ZNF821: variants seen among roughly 807,000 people sequenced by gnomAD.
ZNF821 encodes the protein zinc finger protein 821.
ZNF821 carries 16 observed loss-of-function variants against 44.3 expected under a neutral mutation model. That is an observed-to-expected ratio of 0.36 (90% confidence interval 0.24 to 0.55). The LOEUF is 0.55. ZNF821 is among the 20% of genes least tolerant of loss of function. The pLI, the probability that ZNF821 is intolerant of heterozygous loss-of-function variation, is 0.86. For missense variants in ZNF821, 436 were observed against 547.6 expected, an observed-to-expected ratio of 0.80 and a Z score of 2.03; for synonymous variants, 204 against 197.6, an observed-to-expected ratio of 1.03 and a Z score of -0.27.
intron 4 of ZNF821, among the ~76,000 whole-genome samples, chr16:71,865,610 T>TTTCAATG (rs1249047180): frequency 1.3e-5 from 2 of 152,216 alleles, no homozygotes; most frequent in Non-Finnish European, 2.9e-5. Context: ...TGTCACTTTA[T>TTTCAATG]AGGGAAAGGG....
chr16:71,895,236 CGAGAATCA>C (rs2036937509), exon 1 of ZNF821: 1 of 166,090 alleles, frequency 6.0e-6, no homozygotes, highest in Non-Finnish European at 1.3e-5. Flanking sequence ...GCGCAGAGTC[CGAGAATCA>C]ACAGCTGTGG....
chr16:71,892,071 G>A (rs1597222013), intron 1 of ZNF821, among the ~76,000 whole-genome samples: 1 of 135,170 alleles, frequency 7.4e-6, no homozygotes, highest in South Asian at 2.6e-4. Flanking sequence ...CTTGGTACTT[G>A]TAAGGCTGCG....
At chr16:71,878,422 T>G (rs1475122167) in intron 3 of ZNF821, among the ~76,000 whole-genome samples, 3 of 151,954 alleles carry the variant, frequency 2.0e-5, no homozygotes, top group Non-Finnish European at 4.4e-5. Context: ...CGGCCACTAT[T>G]TGTCTTTTTA....
intron 3 of ZNF821, among the ~76,000 whole-genome samples, chr16:71,879,651 A>G (rs774890758): frequency 6.6e-6 from 1 of 152,184 alleles, no homozygotes; most frequent in Non-Finnish European, 1.5e-5. Flanking sequence ...TATTAAAGAT[A>G]TATCAAGTGT....
rs377621785 is a variant in ZNF821, at chr16:71,878,399, A to G, written c.40+1508T>C. Among the ~76,000 whole-genome samples, 25 of 151,738 alleles carry G rather than the reference A, an allele frequency of 1.6e-4. 1 individual carries two copies. Among genetic ancestry groups the G allele is most frequent in the Admixed American group, 9.9e-4 (15 of 15,222 alleles). On this transcript the variant is annotated intron_variant, in intron 3 of 7. Transcript: ENST00000425432. ...CCCAAAGTGCTGGGATTACAGGTGC[A>G]AGCCACCGCGCCCGGCCACTATTTG...
chr16:71,874,711 C>T (rs1446376475), intron 3 of ZNF821, among the ~76,000 whole-genome samples: 1 of 152,164 alleles, frequency 6.6e-6, no homozygotes, highest in African/African-American at 2.4e-5. Flanking sequence ...GCCTCGGCCT[C>T]CAAAAGTGCT....
chr16:71,887,259 C>CTT (rs60449301), upstream of ZNF821, among the ~76,000 whole-genome samples: 612 of 124,818 alleles, frequency 4.9e-3, 12 homozygotes, highest in South Asian at 0.019. Flanking sequence ...TATATTCAAC[C>CTT]TTTTTTTTTT....
chr16:71,874,133 A>AT (rs980077201), intron 3 of ZNF821, among the ~76,000 whole-genome samples: 11 of 149,292 alleles, frequency 7.4e-5, no homozygotes, highest in Middle Eastern at 3.5e-3. Context: ...TAATTTTTGT[A>AT]TTTTTTTTAG....
intron 6 of ZNF821, 50 bp from the exon 7 acceptor site, chr16:71,861,992 T>A (rs1401601811): frequency 6.3e-7 from 1 of 1,592,066 alleles, no homozygotes; most frequent in Admixed American, 1.7e-5. Context: ...TCCAGGACAA[T>A]CTGCACCCAC....
chr16:71,871,989 G>A (rs12921459), intron 3 of ZNF821, among the ~76,000 whole-genome samples: 29,897 of 151,940 alleles, frequency 0.2, 3,678 homozygotes, highest in Non-Finnish European at 0.28. Flanking sequence ...GCACCACCAC[G>A]CCTGGCTAAT....
At chr16:71,862,474 C>T (rs1489502140) in intron 6 of ZNF821, among the ~76,000 whole-genome samples, 2 of 152,048 alleles carry the variant, frequency 1.3e-5, no homozygotes, top group Non-Finnish European at 2.9e-5. Context: ...AATTCTGTCT[C>T]AAAAACAAAA....
chr16:71,882,351 A>G (rs1285676398), intron 2 of ZNF821: 1 of 149,878 alleles, frequency 6.7e-6, no homozygotes, highest in African/African-American at 2.4e-5. Context: ...GGCTAAATAT[A>G]TATATACTCT....
At chr16:71,883,035 TTCTG>T (rs1400374514) in intron 2 of ZNF821, 172 bp downstream of exon 2, 1 of 445,884 alleles carries the variant, frequency 2.2e-6, no homozygotes, top group Admixed American at 2.5e-5. Context: ...AGGAAAGCAG[TTCTG>T]TCTGTCTTCA....
At chr16:71,873,777 C>T (rs2035488384) in intron 3 of ZNF821, among the ~76,000 whole-genome samples, 1 of 151,962 alleles carries the variant, frequency 6.6e-6, no homozygotes, top group Admixed American at 6.6e-5. Context: ...CCTCAACCTC[C>T]TAAAGTATTG....
intron 3 of ZNF821, among the ~76,000 whole-genome samples, chr16:71,875,829 C>T (rs2035754068): frequency 6.6e-6 from 1 of 152,182 alleles, no homozygotes; most frequent in South Asian, 2.1e-4. Context: ...AAACTCCTGA[C>T]CTCAGGTGAT....
chr16:71,877,130 T>C (rs1479036638), intron 3 of ZNF821, among the ~76,000 whole-genome samples: 1 of 152,258 alleles, frequency 6.6e-6, no homozygotes, highest in Non-Finnish European at 1.5e-5. Context: ...AGGTTTGCTA[T>C]TGTAATCTCA....
Position 71,860,702 on chromosome 16 carries a change from G to T in ZNF821, c.585-30C>A, listed in dbSNP as rs773798197. The T allele has an allele frequency of 1.3e-6, 2 of 1,598,764 alleles. No individual in the cohort carries two copies. Among genetic ancestry groups the T allele is most frequent in the Admixed American group, 1.7e-5 (1 of 59,566 alleles). ...AAAGGAAACATTTTGGATGGTTAGT[G>T]TTTCCTTCTAGCAAGAGTCGGGACT... On this transcript the variant is annotated intron_variant, in intron 7 of 7. Transcript: ENST00000425432. The surrounding 1 kb of genome is among the most constrained non-coding windows in gnomAD (Gnocchi z 7.3).
chr16:71,873,658 T>A (rs55702379), intron 3 of ZNF821, among the ~76,000 whole-genome samples: 49,403 of 151,910 alleles, frequency 0.33, 8,750 homozygotes, highest in East Asian at 0.66. Context: ...TTTAAAAATA[T>A]ATATATATTT....
In ZNF821 at chr16:71,859,887, G is replaced by T; in HGVS notation, c.*131C>A. Reference sequence around the variant, plus strand: ...ATGCAAGGGCTGCTCAGGTCCACCTGCAATAAACCCAGGCCTGCCTCTGGC... The same window carrying T: ...ATGCAAGGGCTGCTCAGGTCCACCTTCAATAAACCCAGGCCTGCCTCTGGC... On this transcript the variant is annotated 3_prime_UTR_variant, in exon 8 of 8. Coordinates refer to ENST00000425432, the MANE Select transcript of ZNF821 (RefSeq NM_001201552.2). 1 of 1,061,324 alleles carries T rather than the reference G, an allele frequency of 9.4e-7. No individual in the cohort carries two copies. The highest frequency in any genetic ancestry group is 1.3e-6 in the Non-Finnish European group (1 of 760,160). The allele number at this position is 1,061,324 out of a possible 1,614,324, so 65.7% of individuals were successfully genotyped here.
Sources: allele counts gnomAD v4.1 joint callset (sites outside exome capture counted in the v4.1 genomes callset), GRCh38; gene constraint gnomAD v4.1.1; non-coding constraint Gnocchi (gnomAD v3.1); transcripts MANE v1.5; gene names NCBI Gene and HGNC (gene_info 2026-07-23, HGNC 2026-07-21).